The following WDR7 variants were observed in gnomAD, a reference collection of about 807,000 sequenced individuals.
WDR7 encodes the protein WD repeat domain 7.
Under a neutral mutation model 169.4 loss-of-function variants are expected in WDR7, and 46 were observed. The ratio of observed to expected loss-of-function variants is 0.27; its 90% confidence interval spans 0.21 to 0.35. WDR7 has a LOEUF of 0.35. Ranked by LOEUF, WDR7 falls within the 10% of genes least tolerant of loss-of-function variation. The pLI is 1.00. For synonymous variants in WDR7, 612 were observed against 666.8 expected, an observed-to-expected ratio of 0.92 and a Z score of 1.27; for missense variants, 1,534 against 1,859.3, an observed-to-expected ratio of 0.83 and a Z score of 3.22.
intron 25 of WDR7, among the ~76,000 whole-genome samples, chr18:56,952,474 T>C (rs2047196474): frequency 6.6e-6 from 1 of 152,252 alleles, no homozygotes; most frequent in Admixed American, 6.5e-5. Context: ...TGCAGGGCTA[T>C]ATGAATGCTG....
intron 22 of WDR7, among the ~76,000 whole-genome samples, chr18:56,934,854 A>G (rs756059570): frequency 2.0e-5 from 3 of 152,196 alleles, no homozygotes; most frequent in Non-Finnish European, 4.4e-5. Flanking sequence ...ATTTAAAAAT[A>G]TTTAACTCGG....
At chr18:56,674,125 G>A (rs2025193368) in intron 2 of WDR7, among the ~76,000 whole-genome samples, 1 of 152,156 alleles carries the variant, frequency 6.6e-6, no homozygotes, top group African/African-American at 2.4e-5. Context: ...CATGATTTCA[G>A]TGCACTTAGG....
chr18:57,008,068 C>T (rs2048090051), intron 26 of WDR7, among the ~76,000 whole-genome samples: 1 of 152,146 alleles, frequency 6.6e-6, no homozygotes, highest in Non-Finnish European at 1.5e-5. Context: ...GTCCCTCCAC[C>T]TGAATTCTCA....
intron 20 of WDR7, among the ~76,000 whole-genome samples, chr18:56,876,644 T>C (rs950982638): frequency 2.0e-5 from 3 of 152,218 alleles, no homozygotes; most frequent in Non-Finnish European, 4.4e-5. Flanking sequence ...CTGAGTGCAT[T>C]GCTACTCAGA....
At chr18:56,918,436 C>CT (rs2046659612) in intron 21 of WDR7, among the ~76,000 whole-genome samples, 1 of 152,010 alleles carries the variant, frequency 6.6e-6, no homozygotes, top group Non-Finnish European at 1.5e-5. Context: ...GATTTCTAGT[C>CT]TTTTGGATAT....
intron 16 of WDR7, among the ~76,000 whole-genome samples, chr18:56,760,640 C>T (rs974298661): frequency 1.3e-5 from 2 of 152,092 alleles, no homozygotes; most frequent in South Asian, 4.1e-4. Context: ...TATGAGCATC[C>T]TTGTATTTTA....
At chr18:57,032,801 T>TTATATATATATATACATATA (rs2048448071), downstream of WDR7, 9 of 106,188 alleles carry the variant, frequency 8.5e-5, no homozygotes, top group African/African-American at 2.9e-4. Flanking sequence ...TATAATTATT[T>TTATATATATATATACATATA]TATATATATA....
intron 25 of WDR7, among the ~76,000 whole-genome samples, chr18:56,943,777 A>G (rs1479619355): frequency 1.3e-5 from 2 of 152,110 alleles, no homozygotes; most frequent in Non-Finnish European, 2.9e-5. Flanking sequence ...CTAATATAGT[A>G]TCCTGAAGTC....
chr18:56,798,004 C>T (rs1055699810), intron 19 of WDR7, among the ~76,000 whole-genome samples: 3 of 152,108 alleles, frequency 2.0e-5, no homozygotes, highest in South Asian at 2.1e-4. Flanking sequence ...ACATATATGT[C>T]GCAGGGAAAT....
chr18:57,031,009 C>G (rs2048438760), downstream of WDR7: 1 of 152,142 alleles, frequency 6.6e-6, no homozygotes, highest in South Asian at 2.1e-4. Flanking sequence ...TTTGTAGCAG[C>G]AGAACGATGA....
chr18:56,916,732 ACTGGCATTT>A (rs2046632817), intron 21 of WDR7, among the ~76,000 whole-genome samples: 1 of 152,194 alleles, frequency 6.6e-6, no homozygotes, highest in Non-Finnish European at 1.5e-5. Flanking sequence ...AGTATACACC[ACTGGCATTT>A]TACTGTTTGT....
chr18:56,775,350 A>G (rs1445684639), intron 16 of WDR7, among the ~76,000 whole-genome samples: 1 of 152,156 alleles, frequency 6.6e-6, no homozygotes, highest in Non-Finnish European at 1.5e-5. Flanking sequence ...CCTGGCTACC[A>G]AGGCTTACCA....
At chr18:56,660,452 C>T (rs148153829) in intron 1 of WDR7, among the ~76,000 whole-genome samples, 1 of 152,110 alleles carries the variant, frequency 6.6e-6, no homozygotes, top group African/African-American at 2.4e-5. Context: ...TAGAGATGCT[C>T]AACCTGTAAG....
At chr18:56,748,058 T>C (rs1172009034) in intron 14 of WDR7, among the ~76,000 whole-genome samples, 1 of 152,212 alleles carries the variant, frequency 6.6e-6, no homozygotes, top group East Asian at 1.9e-4. Flanking sequence ...CTTTGGACTT[T>C]TGCATTTTCT....
chr18:56,923,100 T>C (rs2046749805), intron 21 of WDR7, among the ~76,000 whole-genome samples: 1 of 151,588 alleles, frequency 6.6e-6, no homozygotes. Flanking sequence ...ATTTTCTTTC[T>C]TCCCCTCAAA....
chr18:56,886,199 A>G lies in WDR7; in HGVS notation c.3526+6034A>G, dbSNP rs116632576. 9.5e-3 allele frequency among the ~76,000 whole-genome samples: 1,444 copies of G among 152,300 alleles called. 24 individuals are homozygous for G. Among genetic ancestry groups the G allele is most frequent in the African/African-American group, 0.033 (1,360 of 41,558 alleles). ...CATCAGGTTATCTAAAGTCGAGATG[A>G]AGGAAAGATTCTTAAGAGCTGTGAG... On this transcript the variant is annotated intron_variant, in intron 21 of 27. Coordinates refer to ENST00000254442, the MANE Select transcript of WDR7 (RefSeq NM_015285.3).
chr18:56,793,009 T>G (rs2044518839), intron 19 of WDR7, among the ~76,000 whole-genome samples: 1 of 152,192 alleles, frequency 6.6e-6, no homozygotes, highest in Non-Finnish European at 1.5e-5. Flanking sequence ...AGCTTCATAG[T>G]AGGTTGCACC....
chr18:56,674,014 G>T (rs1262071377), intron 2 of WDR7, among the ~76,000 whole-genome samples: 3 of 152,128 alleles, frequency 2.0e-5, no homozygotes, highest in Non-Finnish European at 2.9e-5. Flanking sequence ...ATTGTAGCAT[G>T]TATCAGTACT....
chr18:56,962,487 T>C lies in WDR7; in HGVS notation c.4122T>C (p.His1374=). The change falls in exon 26 of 28, where the codon CAT becomes CAC. Residue 1374 remains histidine, a synonymous_variant. Coordinates refer to ENST00000254442, the MANE Select transcript of WDR7 (RefSeq NM_015285.3). The stretch of plus-strand genomic sequence containing the variant: ...ACAGAATAGCAGTTGGAGCTCGCCA[T>C]GGTTCAGTGGCCCTGTACGACATCC... ...RNHRIAVGAR[H]GSVALYDIRT... is the part of the protein sequence containing the mutation. 1 of 1,613,068 alleles carries C rather than the reference T, an allele frequency of 6.2e-7. No individual in the cohort carries two copies. Among genetic ancestry groups the C allele is most frequent in the Non-Finnish European group, 8.5e-7 (1 of 1,179,324 alleles).
Sources: allele counts gnomAD v4.1 joint callset (sites outside exome capture counted in the v4.1 genomes callset), GRCh38; gene constraint gnomAD v4.1.1; transcripts MANE v1.5; gene names NCBI Gene and HGNC (gene_info 2026-07-23, HGNC 2026-07-21).